The following LHFPL7 variants were observed in gnomAD, a reference collection of about 807,000 sequenced individuals.
The protein encoded by LHFPL7 is LHFPL tetraspan subfamily member 7, also known as LHFPL tetraspan subfamily member 7 protein.
chr22:24,940,389 C>T, the LHFPL7 span, among the ~76,000 whole-genome samples: 1 of 148,992 alleles, frequency 6.7e-6, no homozygotes, highest in East Asian at 2.0e-4. Flanking sequence ...GTCAGGAGAT[C>T]GAGAACATCC....
At chr22:24,940,356 G>A in the LHFPL7 span, among the ~76,000 whole-genome samples, 2 of 150,166 alleles carry the variant, frequency 1.3e-5, no homozygotes, top group Admixed American at 1.3e-4. Flanking sequence ...CACTTTGGGA[G>A]GCCGAGGCGG....
chr22:24,942,409 T>C, the LHFPL7 span, among the ~76,000 whole-genome samples: 1 of 152,250 alleles, frequency 6.6e-6, no homozygotes, highest in African/African-American at 2.4e-5. Context: ...AAATAGCCAA[T>C]CCTGCCATTG....
At chr22:24,938,119 A>G in the LHFPL7 span, 8 of 1,606,406 alleles carry the variant, frequency 5.0e-6, no homozygotes, top group Non-Finnish European at 6.8e-6. Context: ...TGTCTAGAGC[A>G]CTGACTATGT....
chr22:24,936,912 G>GCC, the LHFPL7 span, among the ~76,000 whole-genome samples: 2 of 102,410 alleles, frequency 2.0e-5, no homozygotes, highest in Non-Finnish European at 4.1e-5. Flanking sequence ...TCCAACCCCC[G>GCC]CCCCCCCCGC....
chr22:24,943,361 C>T, the LHFPL7 span, among the ~76,000 whole-genome samples: 1 of 152,154 alleles, frequency 6.6e-6, no homozygotes, highest in Non-Finnish European at 1.5e-5. Context: ...GCATTATAAC[C>T]CGAAACCACA....
the LHFPL7 span, among the ~76,000 whole-genome samples, chr22:24,937,406 G>A: frequency 1.3e-5 from 2 of 152,294 alleles, no homozygotes; most frequent in Non-Finnish European, 2.9e-5. Context: ...AGATGAGGTT[G>A]GTGAGGGACT....
At chr22:24,936,037 T>A in the LHFPL7 span, among the ~76,000 whole-genome samples, 2 of 152,140 alleles carry the variant, frequency 1.3e-5, no homozygotes, top group East Asian at 3.9e-4. Flanking sequence ...AACCCACTCA[T>A]TTTTGCAATT....
the LHFPL7 span, among the ~76,000 whole-genome samples, chr22:24,945,732 G>C: frequency 6.6e-6 from 1 of 152,220 alleles, no homozygotes; most frequent in Admixed American, 6.5e-5. Context: ...GACAAGCACA[G>C]AGGAAGGGCA....
the LHFPL7 span, chr22:24,939,264 G>C: frequency 2.9e-6 from 2 of 697,902 alleles, no homozygotes; most frequent in Non-Finnish European, 5.2e-6. Context: ...ATTCCGCTCA[G>C]CCAGCTTTCC....
chr22:24,945,678 C>T, the LHFPL7 span, among the ~76,000 whole-genome samples: 4 of 152,144 alleles, frequency 2.6e-5, no homozygotes, highest in Non-Finnish European at 4.4e-5. Flanking sequence ...GGCTTGAGTA[C>T]AGACACAGCT....
chr22:24,946,623 C>G, the LHFPL7 span: 1 of 152,414 alleles, frequency 6.6e-6, no homozygotes, highest in Non-Finnish European at 1.5e-5. Context: ...CAGGCTCCGG[C>G]TTTGGATCCA....
chr22:24,940,718 T>TTTCC, the LHFPL7 span, among the ~76,000 whole-genome samples: 99,905 of 119,566 alleles, frequency 0.84, 42,053 homozygotes, highest in East Asian at 0.91. Context: ...CTTCCCTTTC[T>TTTCC]TTCCTTCCTT....
At chr22:24,943,748 C>T in the LHFPL7 span, among the ~76,000 whole-genome samples, 1 of 152,150 alleles carries the variant, frequency 6.6e-6, no homozygotes, top group Admixed American at 6.5e-5. Flanking sequence ...ACTAGAGCTG[C>T]CCAAGGTTAG....
At chr22:24,936,953 C>T in the LHFPL7 span, among the ~76,000 whole-genome samples, 2 of 151,842 alleles carry the variant, frequency 1.3e-5, no homozygotes, top group African/African-American at 4.8e-5. Context: ...GCAAGCAAGC[C>T]TAGGACAAGG....
the LHFPL7 span, chr22:24,939,202 T>A: frequency 1.5e-6 from 1 of 665,572 alleles, no homozygotes; most frequent in South Asian, 1.7e-5. Context: ...AGGAGAGTAA[T>A]GGCAAATTCG....
chr22:24,941,607 T>G, the LHFPL7 span, among the ~76,000 whole-genome samples: 30 of 151,726 alleles, frequency 2.0e-4, no homozygotes, highest in African/African-American at 5.1e-4. Context: ...TATTTGTTTT[T>G]TTTTTTTTTT....
At chr22:24,942,170 A>ATTT in the LHFPL7 span, among the ~76,000 whole-genome samples, 1 of 150,304 alleles carries the variant, frequency 6.7e-6, no homozygotes, top group Non-Finnish European at 1.5e-5. Flanking sequence ...AATTTTTTGT[A>ATTT]TTTTTAGTAG....
the LHFPL7 span, chr22:24,935,236 A>G: frequency 6.7e-7 from 1 of 1,486,954 alleles, no homozygotes; most frequent in Non-Finnish European, 9.0e-7. Context: ...GCCTGAAGTC[A>G]CACAGCAAGA....
At chr22:24,938,332 G>A in the LHFPL7 span, 7 of 1,613,474 alleles carry the variant, frequency 4.3e-6, no homozygotes, top group South Asian at 7.7e-5. Flanking sequence ...AGGCCAACAG[G>A]AGCCAGCCTC....
Sources: gnomAD v4.1 joint callset for allele counts (sites outside exome capture counted in the v4.1 genomes callset) on GRCh38, gnomAD v4.1.1 for gene constraint, MANE v1.5 for transcripts, NCBI Gene and HGNC (gene_info 2026-07-23, HGNC 2026-07-21) for gene names.